The following TPD52L1 variants were observed in gnomAD, a reference collection of about 807,000 sequenced individuals.
The protein encoded by TPD52L1 is tumor protein D53.
In TPD52L1, 18 loss-of-function variants were observed where a neutral mutation model predicts 28.7. The ratio of observed to expected loss-of-function variants is 0.63; its 90% CI spans 0.43 to 0.93. TPD52L1 has a LOEUF of 0.93. TPD52L1 is among the 40% of genes least tolerant of loss of function. The pLI is 0.00. For missense variants in TPD52L1, 203 were observed against 254.8 expected (o/e 0.80, Z 1.39); for synonymous variants, 75 against 88.8 (o/e 0.84, Z 0.88).
At chr6:125,170,791 A>T (rs1226243932) in intron 1 of TPD52L1, among the ~76,000 whole-genome samples, 1 of 152,092 alleles carries the variant, frequency 6.6e-6, no homozygotes, top group African/African-American at 2.4e-5. Flanking sequence ...CTTTGGTTTT[A>T]GAGAGCCCCA....
intron 1 of TPD52L1, among the ~76,000 whole-genome samples, chr6:125,176,441 G>A (rs565820831): frequency 9.2e-5 from 14 of 152,264 alleles, no homozygotes; most frequent in African/African-American, 2.9e-4. Context: ...AATTTCAGTG[G>A]CCTTTCAATG....
At chr6:125,216,525 GTGTGTATATATATA>G (rs781212381) in intron 1 of TPD52L1, among the ~76,000 whole-genome samples, 3,332 of 104,826 alleles carry the variant, frequency 0.032, 127 homozygotes, top group African/African-American at 0.11. Context: ...TTCAGTATGT[GTGTGTATATATATA>G]TATATATATA....
At chr6:125,203,585 TTGTC>T (rs1206743445) in intron 1 of TPD52L1, 21 of 981,396 alleles carry the variant, frequency 2.1e-5, no homozygotes, top group Admixed American at 6.1e-5. Context: ...GAGCTGTTGT[TTGTC>T]TGCATGGTTT....
chr6:125,212,716 C>T (rs1333968985), intron 1 of TPD52L1, among the ~76,000 whole-genome samples: 2 of 152,332 alleles, frequency 1.3e-5, no homozygotes, highest in East Asian at 3.9e-4. Flanking sequence ...GCCCCAGGTC[C>T]CATGAATGCA....
intron 1 of TPD52L1, among the ~76,000 whole-genome samples, chr6:125,181,609 A>G (rs935426184): frequency 6.6e-6 from 1 of 152,220 alleles, no homozygotes; most frequent in Non-Finnish European, 1.5e-5. Flanking sequence ...TTACGATAAT[A>G]TTTATTTACT....
chr6:125,248,516 T>A (rs1004446421), intron 4 of TPD52L1, 133 bp downstream of exon 4: 3 of 650,232 alleles, frequency 4.6e-6, no homozygotes, highest in Non-Finnish European at 2.6e-6. Flanking sequence ...ATATGGCTGA[T>A]ATGATTGATG....
At chr6:125,244,982 T>C (rs1002605604) in intron 3 of TPD52L1, among the ~76,000 whole-genome samples, 1 of 152,184 alleles carries the variant, frequency 6.6e-6, no homozygotes, top group Non-Finnish European at 1.5e-5. Context: ...CTGCAGTGAT[T>C]GTTATTTCTC....
intron 2 of TPD52L1, among the ~76,000 whole-genome samples, chr6:125,223,838 G>A (rs1023863198): frequency 6.6e-6 from 1 of 151,792 alleles, no homozygotes; most frequent in African/African-American, 2.4e-5. Context: ...CTCTGATCTG[G>A]TGCAGTGGTT....
chr6:125,172,052 C>T (rs74210268), intron 1 of TPD52L1, among the ~76,000 whole-genome samples: 8,442 of 149,048 alleles, frequency 0.057, 531 homozygotes, highest in East Asian at 0.32. Flanking sequence ...TCCCTCCCAC[C>T]TTCTTTCTCT....
Position 125,264,129 on chromosome 6 carries a change from T to C in TPD52L1, c.*1167T>C, listed in dbSNP as rs148450339. ...ACTGGTATTTATCAATCCACTCAGA[T>C]TTCTGCACTAACTTTTATCTTATAT... is the stretch of plus-strand genomic sequence containing the variant. On this transcript the variant is annotated 3_prime_UTR_variant, in exon 7 of 7. Transcript: ENST00000534000. The C allele has an allele frequency of 5.8e-4, 89 of 152,314 alleles. 3 individuals carry two copies. Among genetic ancestry groups the C allele is most frequent in the Admixed American group, 4.4e-3 (67 of 15,296 alleles). The allele number at this position is 152,314 out of a possible 1,614,324, so 9.4% of individuals were successfully genotyped here.
chr6:125,165,335 G>A (rs1185400806), intron 1 of TPD52L1, among the ~76,000 whole-genome samples: 1 of 152,048 alleles, frequency 6.6e-6, no homozygotes, highest in African/African-American at 2.4e-5. Flanking sequence ...GAAGGCAGGA[G>A]AATATTTTAA....
At chr6:125,173,224 C>T (rs761793631) in intron 1 of TPD52L1, among the ~76,000 whole-genome samples, 6 of 152,156 alleles carry the variant, frequency 3.9e-5, no homozygotes, top group Non-Finnish European at 7.4e-5. Flanking sequence ...TAAATCTGTG[C>T]CCCATTTTCC....
At chr6:125,226,040 G>T (rs1286405352) in intron 2 of TPD52L1, among the ~76,000 whole-genome samples, 1 of 152,142 alleles carries the variant, frequency 6.6e-6, no homozygotes, top group Non-Finnish European at 1.5e-5. Flanking sequence ...CAGGACTCTT[G>T]GTTCTGTACA....
intron 1 of TPD52L1, among the ~76,000 whole-genome samples, chr6:125,185,128 T>C (rs1792511509): frequency 1.3e-5 from 2 of 152,174 alleles, no homozygotes; most frequent in Non-Finnish European, 2.9e-5. Flanking sequence ...GTCATAAACT[T>C]CCATGTCCAA....
At chr6:125,262,805 C>T (rs1798134665) in intron 6 of TPD52L1, 29 bp from the exon 7 acceptor site, 7 of 1,584,828 alleles carry the variant, frequency 4.4e-6, no homozygotes, top group Non-Finnish European at 5.1e-6. Flanking sequence ...TAACAACTAA[C>T]TGCATTTTTG....
chr6:125,218,153 A>G (rs1163588478), intron 1 of TPD52L1, among the ~76,000 whole-genome samples: 2 of 152,228 alleles, frequency 1.3e-5, no homozygotes, highest in South Asian at 2.1e-4. Context: ...ATTTTAATAT[A>G]CAATGTAGAC....
intron 1 of TPD52L1, among the ~76,000 whole-genome samples, chr6:125,203,951 G>A (rs1353899352): frequency 6.6e-6 from 1 of 152,232 alleles, no homozygotes; most frequent in Non-Finnish European, 1.5e-5. Flanking sequence ...TTAAGGTGGA[G>A]CTTAGAACAT....
Position 125,220,171 on chromosome 6 carries a change from A to G in TPD52L1, c.113A>G (p.Glu38Gly). 1 of 1,612,896 alleles carries G rather than the reference A, an allele frequency of 6.2e-7. No homozygotes were observed. The highest frequency in any genetic ancestry group is 8.5e-7 in the Non-Finnish European group (1 of 1,178,926). ...ATGCTCTCTGAGGAGGAAAAGGAAG[A>G]GTTAAAAGCAGAGTTAGTTCAGGTA... is the stretch of plus-strand genomic sequence containing the variant. ...SSMLSEEEKE[E>G]LKAELVQLED... The change falls in exon 2 of 7, where the codon GAG becomes GGG. Residue 38 changes from glutamate to glycine, a missense_variant. Coordinates refer to ENST00000534000, the MANE Select transcript of TPD52L1 (RefSeq NM_003287.4).
chr6:125,241,325 A>G (rs1796598684), intron 3 of TPD52L1, among the ~76,000 whole-genome samples: 1 of 152,004 alleles, frequency 6.6e-6, no homozygotes, highest in African/African-American at 2.4e-5. Context: ...ATTTGGTGAT[A>G]CCAGCTTCAT....
Sources: allele counts gnomAD v4.1 joint callset (sites outside exome capture counted in the v4.1 genomes callset), GRCh38; gene constraint gnomAD v4.1.1; transcripts MANE v1.5; gene names NCBI Gene and HGNC (gene_info 2026-07-23, HGNC 2026-07-21).